The following CACNA2D1 variants were observed in gnomAD, a reference collection of about 807,000 sequenced individuals.
The protein encoded by CACNA2D1 is voltage-dependent calcium channel subunit alpha-2/delta-1.
Under a neutral mutation model 171.5 loss-of-function variants are expected in CACNA2D1, and 53 were observed. The observed-to-expected ratio is 0.31, with a 90% CI of 0.25 to 0.39. The LOEUF is 0.39. Ranked by LOEUF, CACNA2D1 falls within the 10% of genes least tolerant of loss-of-function variation. CACNA2D1 has a pLI of 1.00. For synonymous variants in CACNA2D1, 442 were observed against 443.1 expected (o/e 1.00, Z 0.03); for missense variants, 903 against 1,299.8 (o/e 0.69, Z 4.69).
At chr7:81,969,067 C>T in intron 28 of CACNA2D1, 94 bp from the exon 29 acceptor site, 1 of 765,144 alleles carries the variant, frequency 1.3e-6, no homozygotes, top group Non-Finnish European at 2.2e-6. Context: ...TAGTATTTTG[C>T]TTAAAAATTC....
intron 10 of CACNA2D1, among the ~76,000 whole-genome samples, chr7:82,058,118 T>A (rs1584574069): frequency 6.6e-6 from 1 of 152,256 alleles, no homozygotes; most frequent in South Asian, 2.1e-4. Flanking sequence ...TTGGGGCAGG[T>A]TAACTCTGAA....
At chr7:82,350,523 G>A (rs1819734914) in intron 1 of CACNA2D1, among the ~76,000 whole-genome samples, 1 of 152,118 alleles carries the variant, frequency 6.6e-6, no homozygotes, top group African/African-American at 2.4e-5. Context: ...AAACTAGCCA[G>A]GCTTGGTGGC....
intron 7 of CACNA2D1, among the ~76,000 whole-genome samples, chr7:82,080,621 C>G (rs886890288): frequency 1.3e-5 from 2 of 152,310 alleles, no homozygotes; most frequent in South Asian, 2.1e-4. Flanking sequence ...CTTACACTAA[C>G]AAGTTATTCA....
intron 3 of CACNA2D1, among the ~76,000 whole-genome samples, chr7:82,181,230 A>G (rs1797112039): frequency 6.6e-6 from 1 of 151,808 alleles, no homozygotes; most frequent in Non-Finnish European, 1.5e-5. Flanking sequence ...ACCATGTTAA[A>G]CAAATTTATG....
intron 1 of CACNA2D1, among the ~76,000 whole-genome samples, chr7:82,429,824 T>C (rs10237294): frequency 0.036 from 5,477 of 152,204 alleles, 319 homozygotes; most frequent in African/African-American, 0.12. Context: ...TTTTGCCTCA[T>C]AAAAATTAAT....
At chr7:82,246,875 C>T (rs1452625943) in intron 3 of CACNA2D1, among the ~76,000 whole-genome samples, 1 of 151,954 alleles carries the variant, frequency 6.6e-6, no homozygotes, top group Non-Finnish European at 1.5e-5. Flanking sequence ...TCATTCTTAC[C>T]TCTCTCCCCA....
At chr7:82,163,615 A>G (rs1795158623) in intron 4 of CACNA2D1, among the ~76,000 whole-genome samples, 1 of 152,106 alleles carries the variant, frequency 6.6e-6, no homozygotes. Flanking sequence ...TGACACAGGT[A>G]GTATGAGAAA....
At chr7:82,255,119 C>G (rs1307701482) in intron 3 of CACNA2D1, among the ~76,000 whole-genome samples, 1 of 152,194 alleles carries the variant, frequency 6.6e-6, no homozygotes, top group Non-Finnish European at 1.5e-5. Context: ...CCTGTTCTGA[C>G]CATTTGGATT....
At chr7:82,079,151 A>C (rs1809370916) in intron 7 of CACNA2D1, among the ~76,000 whole-genome samples, 1 of 152,174 alleles carries the variant, frequency 6.6e-6, no homozygotes, top group Admixed American at 6.5e-5. Flanking sequence ...TATTTTAAAT[A>C]ATCTGATAAA....
chr7:82,094,798 G>T (rs1336395545), intron 6 of CACNA2D1, among the ~76,000 whole-genome samples: 1 of 146,342 alleles, frequency 6.8e-6, no homozygotes, highest in African/African-American at 2.6e-5. Flanking sequence ...GATAATAGAG[G>T]ATGGTAAACA....
intron 16 of CACNA2D1, 35 bp from the exon 17 acceptor site, chr7:82,005,874 C>A (rs758797760): frequency 1.7e-6 from 2 of 1,190,436 alleles, no homozygotes; most frequent in South Asian, 1.2e-5. Context: ...CATTTTATGT[C>A]AAAAATTTAC....
chr7:82,273,385 T>C (rs1031320016), intron 3 of CACNA2D1, among the ~76,000 whole-genome samples: 3 of 151,764 alleles, frequency 2.0e-5, no homozygotes, highest in African/African-American at 7.2e-5. Context: ...AAATTAGTCA[T>C]AGGTACTGGC....
At chr7:82,371,056 T>A (rs1419288724) in intron 1 of CACNA2D1, among the ~76,000 whole-genome samples, 1 of 152,168 alleles carries the variant, frequency 6.6e-6, no homozygotes, top group Admixed American at 6.6e-5. Flanking sequence ...CTGTTAATAA[T>A]AAAACGGGTA....
chr7:82,015,180 C>T (rs1800299569), intron 12 of CACNA2D1, among the ~76,000 whole-genome samples: 1 of 152,170 alleles, frequency 6.6e-6, no homozygotes, highest in Non-Finnish European at 1.5e-5. Context: ...AAGCTTATTT[C>T]CCTATTTCAT....
At position 82,112,817 on chromosome 7, in the gene CACNA2D1, C is replaced by T. The variant is rs1584792483; in HGVS notation, c.526+4227G>A. ...CCAGAAAGACTGCAAGCACCTTTTT[C>T]CTCTGCAATTTTGACACTGATGTCA... On this transcript the variant is annotated intron_variant, in intron 6 of 38. Coordinates refer to ENST00000356860, the MANE Select transcript of CACNA2D1 (RefSeq NM_000722.4). 2.6e-5 allele frequency among the ~76,000 whole-genome samples: 4 copies of T among 152,108 alleles called. No homozygotes were observed. The East Asian group carries it at 7.7e-4, about 29-fold the overall frequency.
chr7:82,434,166 AG>A (rs1321148509), intron 1 of CACNA2D1, among the ~76,000 whole-genome samples: 2 of 152,228 alleles, frequency 1.3e-5, no homozygotes, highest in African/African-American at 4.8e-5. Flanking sequence ...TCATGATAGC[AG>A]TCTCACCTTT....
chr7:82,397,863 C>A (rs1825910310), intron 1 of CACNA2D1, among the ~76,000 whole-genome samples: 1 of 152,010 alleles, frequency 6.6e-6, no homozygotes, highest in Non-Finnish European at 1.5e-5. Flanking sequence ...ATAAAACTTA[C>A]TAGATAAAAC....
rs1032448104 is a variant in CACNA2D1, at chr7:82,301,748, C to T, written c.294+33387G>A. Among the ~76,000 whole-genome samples the T allele has an allele frequency of 4.7e-5, 7 of 148,412 alleles. No individual in the cohort carries two copies. The East Asian group carries it at 1.4e-3, about 29-fold the overall frequency. Reference sequence around the variant, plus strand: ...TAAATAATACACACACACACACACACACACACACACACACACACACACACA... The same window carrying T: ...TAAATAATACACACACACACACACATACACACACACACACACACACACACA... On this transcript the variant is annotated intron_variant, in intron 3 of 38. Transcript: ENST00000356860.
chr7:82,077,113 GTTGAC>G (rs1394500716), intron 7 of CACNA2D1, among the ~76,000 whole-genome samples: 1 of 152,118 alleles, frequency 6.6e-6, no homozygotes, highest in African/African-American at 2.4e-5. Flanking sequence ...AGATGTATAA[GTTGAC>G]TACCTAATTA....
Sources: allele counts gnomAD v4.1 joint callset (sites outside exome capture counted in the v4.1 genomes callset), GRCh38; gene constraint gnomAD v4.1.1; transcripts MANE v1.5; gene names NCBI Gene and HGNC (gene_info 2026-07-23, HGNC 2026-07-21).